The following STYK1 variants were observed in gnomAD, a reference collection of about 807,000 sequenced individuals.
STYK1 encodes the protein tyrosine-protein kinase STYK1.
In STYK1, 46 loss-of-function variants were observed where a neutral mutation model predicts 48.1. The observed-to-expected ratio is 0.96, with a 90% CI of 0.75 to 1.22. The LOEUF (loss-of-function observed/expected upper bound fraction) is 1.22, where lower values mean the gene tolerates loss of function less well. Ranked by LOEUF, STYK1 falls within the 50% of genes most tolerant of loss-of-function variation. The pLI, the probability that STYK1 is intolerant of heterozygous loss-of-function variation, is 0.00. For synonymous variants in STYK1, 188 were observed against 189.0 expected, an observed-to-expected ratio of 0.99 and a Z score of 0.04; for missense variants, 527 against 521.1, an observed-to-expected ratio of 1.01 and a Z score of -0.11.
At chr12:10,637,889 A>T (rs753991935) in intron 1 of STYK1, among the ~76,000 whole-genome samples, 17 of 152,310 alleles carry the variant, frequency 1.1e-4, no homozygotes, top group South Asian at 2.1e-4. Flanking sequence ...AACCTCTAGG[A>T]TGACTCTTCG....
intron 1 of STYK1, among the ~76,000 whole-genome samples, chr12:10,650,898 A>G (rs569475573): frequency 6.6e-6 from 1 of 151,922 alleles, no homozygotes; most frequent in African/African-American, 2.4e-5. Context: ...TCAGCTACTC[A>G]GGAGGCTGAG....
intron 4 of STYK1, among the ~76,000 whole-genome samples, 192 bp from the exon 5 acceptor site, chr12:10,631,500 G>C (rs1040999556): frequency 6.6e-6 from 1 of 152,178 alleles, no homozygotes; most frequent in African/African-American, 2.4e-5. Context: ...ATCCCCATTA[G>C]TTCTTAGGAC....
intron 1 of STYK1, among the ~76,000 whole-genome samples, chr12:10,647,795 T>TCTCA (rs1317040704): frequency 6.6e-6 from 1 of 152,088 alleles, no homozygotes; most frequent in Non-Finnish European, 1.5e-5. Flanking sequence ...AGTGAATAAG[T>TCTCA]CTCACGAGAT....
intron 1 of STYK1, among the ~76,000 whole-genome samples, chr12:10,652,550 T>G (rs1411349290): frequency 2.6e-5 from 4 of 152,226 alleles, no homozygotes; most frequent in Admixed American, 2.0e-4. Flanking sequence ...GGCCATCTCT[T>G]CTGAAGTACC....
At chr12:10,651,747 A>T (rs1385733302) in intron 1 of STYK1, among the ~76,000 whole-genome samples, 1 of 152,230 alleles carries the variant, frequency 6.6e-6, no homozygotes, top group Admixed American at 6.5e-5. Context: ...CACAGGAATA[A>T]GATAATTATT....
At chr12:10,663,597 TCAAAAAAAAAAA>T (rs1476849563) in intron 1 of STYK1, among the ~76,000 whole-genome samples, 1 of 32,662 alleles carries the variant, frequency 3.1e-5, no homozygotes, top group Non-Finnish European at 5.1e-5. Flanking sequence ...AGACTCTGTC[TCAAAAAAAAAAA>T]AAAAAAAAAA....
At chr12:10,642,470 C>A (rs531036069) in intron 1 of STYK1, among the ~76,000 whole-genome samples, 2 of 152,154 alleles carry the variant, frequency 1.3e-5, no homozygotes, top group Non-Finnish European at 2.9e-5. Flanking sequence ...AGAGCCATTG[C>A]GATCATCAAT....
At position 10,668,571 on chromosome 12, in the gene STYK1, A is replaced by C. The variant is rs1219775864; in HGVS notation, c.-195+5395T>G. Among the ~76,000 whole-genome samples the C allele has an allele frequency of 3.6e-4, 21 of 58,518 alleles. No homozygotes were observed. In the Admixed American group the frequency reaches 3.6e-3, roughly 10 times the overall value. 38.4% of individuals were successfully genotyped at this position (58,518 alleles called of 152,430 possible). A position where few individuals can be genotyped will look rare whatever the true frequency, so the allele number is the denominator to read the frequency against. ...TTTTTTTTTTTTTTTTTTTTTGTATATTTACTAGAGATGGGGTTTCACCAT... is the reference window on the plus strand; with the variant it reads ...TTTTTTTTTTTTTTTTTTTTTGTATCTTTACTAGAGATGGGGTTTCACCAT... On this transcript the variant is annotated intron_variant, in intron 1 of 10. Coordinates refer to ENST00000075503, the MANE Select transcript of STYK1 (RefSeq NM_018423.3).
chr12:10,634,586 A>G lies in STYK1; in HGVS notation c.33T>C (p.Ser11=). The change falls in exon 3 of 11, where the codon AGT becomes AGC. Residue 11 remains serine (S), a synonymous_variant. Coordinates refer to ENST00000075503, the MANE Select transcript of STYK1 (RefSeq NM_018423.3). ...ACTTACCACACAACTTGTCACTGAG[A>G]CTGCATTCCAGGAGCATCCGTGTCA... is the stretch of plus-strand genomic sequence containing the variant. MGMTRMLLEC[S]LSDKLCVIQE... is the part of the protein sequence containing the mutation. 6.2e-7 allele frequency: 1 copy of G among 1,614,158 alleles called. No individual in the cohort carries two copies. Among genetic ancestry groups the G allele is most frequent in the Non-Finnish European group, 8.5e-7 (1 of 1,180,022 alleles).
intron 1 of STYK1, among the ~76,000 whole-genome samples, chr12:10,668,908 G>A (rs562382120): frequency 6.6e-6 from 1 of 152,278 alleles, no homozygotes; most frequent in African/African-American, 2.4e-5. Flanking sequence ...CAGCCCAGAA[G>A]TAGGCACAGA....
rs776855217 is a variant in STYK1, at chr12:10,634,610, C to A, written c.9G>T (p.Met3Ile). 6.2e-7 allele frequency: 1 copy of A among 1,614,164 alleles called. No individual in the cohort carries two copies. Among genetic ancestry groups the A allele is most frequent in the South Asian group, 1.1e-5 (1 of 91,082 alleles). Residue 3 changes from methionine to isoleucine, a missense_variant, in exon 3 of 11, where the codon ATG becomes ATT. By Grantham distance (10) the Met-to-Ile change is conservative. Transcript: ENST00000075503. ...GACTGCATTCCAGGAGCATCCGTGT[C>A]ATGCCCATTGCCACAGGGCTGTCCC... is the stretch of plus-strand genomic sequence containing the variant. MG[M>I]TRMLLECSLS... is the part of the protein sequence containing the mutation.
chr12:10,634,343 T>C (rs1947462773), intron 3 of STYK1, among the ~76,000 whole-genome samples: 1 of 152,196 alleles, frequency 6.6e-6, no homozygotes, highest in Non-Finnish European at 1.5e-5. Context: ...GTGCATGACG[T>C]TGCTTCTGGC....
At chr12:10,644,974 G>A (rs1201742976) in intron 1 of STYK1, among the ~76,000 whole-genome samples, 2 of 152,014 alleles carry the variant, frequency 1.3e-5, no homozygotes, top group African/African-American at 2.4e-5. Context: ...GAGGAAAAGA[G>A]GGCCTAGGAA....
At chr12:10,662,019 T>A (rs1315610746) in intron 1 of STYK1, among the ~76,000 whole-genome samples, 1 of 152,172 alleles carries the variant, frequency 6.6e-6, no homozygotes, top group East Asian at 1.9e-4. Context: ...CATTCCCTAC[T>A]CTGCTCCCTT....
At chr12:10,632,692 G>A (rs1232381921) in intron 4 of STYK1, among the ~76,000 whole-genome samples, 1 of 152,192 alleles carries the variant, frequency 6.6e-6, no homozygotes, top group Non-Finnish European at 1.5e-5. Flanking sequence ...GTGTGTTGCA[G>A]TGATCAGTGA....
intron 4 of STYK1, among the ~76,000 whole-genome samples, chr12:10,632,741 A>G (rs1947443784): frequency 6.6e-6 from 1 of 152,148 alleles, no homozygotes; most frequent in Non-Finnish European, 1.5e-5. Flanking sequence ...AAAATAGGGT[A>G]ACAGTGTTTG....
At chr12:10,622,770 C>T in intron 8 of STYK1, 92 bp from the exon 9 acceptor site, 1 of 1,460,200 alleles carries the variant, frequency 6.8e-7, no homozygotes, top group Non-Finnish European at 9.4e-7. Context: ...ATAAGAGCCC[C>T]ATGAAAAAGG....
intron 10 of STYK1, among the ~76,000 whole-genome samples, chr12:10,620,953 T>G (rs954842897): frequency 2.6e-5 from 4 of 151,050 alleles, no homozygotes; most frequent in Non-Finnish European, 5.9e-5. Context: ...TGTCATCAAT[T>G]TTTTTCTATT....
At chr12:10,655,702 T>C (rs1471266830) in intron 1 of STYK1, among the ~76,000 whole-genome samples, 1 of 152,240 alleles carries the variant, frequency 6.6e-6, no homozygotes, top group Non-Finnish European at 1.5e-5. Context: ...ACACTTGTGA[T>C]TAAGTCATAA....
Sources: gnomAD v4.1 joint callset for allele counts (sites outside exome capture counted in the v4.1 genomes callset) on GRCh38, gnomAD v4.1.1 for gene constraint, MANE v1.5 for transcripts, NCBI Gene and HGNC (gene_info 2026-07-23, HGNC 2026-07-21) for gene names.